EED: variants seen among roughly 807,000 people sequenced by gnomAD.
EED encodes the protein polycomb protein EED.
EED carries 9 observed loss-of-function variants against 61.0 expected under a neutral mutation model. That is an observed-to-expected ratio of 0.15 (90% CI 0.09 to 0.26). The LOEUF is 0.26. EED is among the 10% of genes least tolerant of loss of function. The pLI, the probability that EED is intolerant of heterozygous loss-of-function variation, is 1.00. For synonymous variants in EED, 187 were observed against 174.4 expected, an observed-to-expected ratio of 1.07 and a Z score of -0.57; for missense variants, 315 against 542.3, an observed-to-expected ratio of 0.58 and a Z score of 4.16.
At chr11:86,268,065 T>G (rs1172778321) in intron 8 of EED, 1 of 155,210 alleles carries the variant, frequency 6.4e-6, no homozygotes, top group East Asian at 1.9e-4. Flanking sequence ...TTTCATAGAT[T>G]ATTAATGCTT....
intron 7 of EED, 25 bp downstream of exon 7, chr11:86,264,288 G>A: frequency 7.1e-6 from 11 of 1,556,798 alleles, no homozygotes; most frequent in Non-Finnish European, 9.8e-6. Context: ...GCAGGGCAAT[G>A]ACTTTCAGGT....
chr11:86,258,491 A>G (rs753241729), intron 6 of EED, among the ~76,000 whole-genome samples: 2 of 151,644 alleles, frequency 1.3e-5, no homozygotes, highest in Non-Finnish European at 1.5e-5. Flanking sequence ...ACAACTGTAT[A>G]GACCGTAATG....
intron 4 of EED, among the ~76,000 whole-genome samples, chr11:86,255,564 A>C (rs1945648266): frequency 2.0e-5 from 3 of 152,202 alleles, no homozygotes; most frequent in Admixed American, 6.5e-5. Context: ...TAGGAGCATT[A>C]GAAATCTAGT....
At chr11:86,261,444 A>ATC (rs1322566295) in intron 6 of EED, among the ~76,000 whole-genome samples, 1 of 152,198 alleles carries the variant, frequency 6.6e-6, no homozygotes, top group Non-Finnish European at 1.5e-5. Flanking sequence ...CCCACATAGC[A>ATC]TCTTATGAGT....
intron 10 of EED, 146 bp from the exon 11 acceptor site, chr11:86,277,772 G>A (rs187116164): frequency 1.8e-6 from 1 of 567,390 alleles, no homozygotes; most frequent in Non-Finnish European, 2.7e-6. Context: ...TACGAATCAG[G>A]AGTATAAGAC....
At chr11:86,257,024 G>A (rs1945692894) in intron 5 of EED, among the ~76,000 whole-genome samples, 5 of 151,912 alleles carry the variant, frequency 3.3e-5, no homozygotes, top group Admixed American at 3.3e-4. Flanking sequence ...TCTGCAGGTG[G>A]AGTTTTGAGC....
chr11:86,271,309 T>C (rs1183433499), intron 9 of EED, among the ~76,000 whole-genome samples: 1 of 152,218 alleles, frequency 6.6e-6, no homozygotes, highest in Non-Finnish European at 1.5e-5. Flanking sequence ...TATATTTTTA[T>C]TTTCCATTTT....
At chr11:86,286,971 CAAAA>C in the EED span, among the ~76,000 whole-genome samples, 55 of 68,342 alleles carry the variant, frequency 8.0e-4, no homozygotes, top group East Asian at 0.024. Context: ...GACTCCGTCT[CAAAA>C]AAAAAAAAAA....
chr11:86,274,741 C>T (rs966232229), intron 9 of EED, among the ~76,000 whole-genome samples: 13 of 152,170 alleles, frequency 8.5e-5, no homozygotes, highest in African/African-American at 3.1e-4. Context: ...GGTGGCTTTA[C>T]CAATGAATGG....
At chr11:86,260,898 A>T (rs372295141) in intron 6 of EED, among the ~76,000 whole-genome samples, 2 of 152,268 alleles carry the variant, frequency 1.3e-5, no homozygotes, top group East Asian at 3.9e-4. Flanking sequence ...AAGTAAGAAC[A>T]AGAAATTGAA....
chr11:86,260,609 G>A (rs1459145858), intron 6 of EED, among the ~76,000 whole-genome samples: 6 of 152,070 alleles, frequency 3.9e-5, no homozygotes, highest in South Asian at 2.1e-4. Context: ...ATAAAATTGT[G>A]CATGATATAT....
intron 6 of EED, among the ~76,000 whole-genome samples, chr11:86,260,220 C>A (rs2138175920): frequency 6.6e-6 from 1 of 152,164 alleles, no homozygotes; most frequent in East Asian, 1.9e-4. Context: ...GCTTTACATT[C>A]TTTCTTTTTT....
At chr11:86,245,943 T>G (rs1945381379) in intron 1 of EED, among the ~76,000 whole-genome samples, 1 of 151,610 alleles carries the variant, frequency 6.6e-6, no homozygotes, top group African/African-American at 2.4e-5. Context: ...GGGTGGGGAG[T>G]GACTACCTTT....
At chr11:86,263,018 G>A (rs1212730508) in intron 6 of EED, among the ~76,000 whole-genome samples, 6 of 151,946 alleles carry the variant, frequency 3.9e-5, no homozygotes, top group South Asian at 4.1e-4. Context: ...ATGTTACCCC[G>A]GCTGGTCTTG....
intron 9 of EED, among the ~76,000 whole-genome samples, chr11:86,271,095 AT>A (rs1456757235): frequency 1.3e-5 from 2 of 152,116 alleles, no homozygotes; most frequent in African/African-American, 4.8e-5. Context: ...TTTTAACTGG[AT>A]TTGTATTAAA....
chr11:86,260,911 T>C (rs931788978), intron 6 of EED, among the ~76,000 whole-genome samples: 8 of 151,990 alleles, frequency 5.3e-5, no homozygotes, highest in African/African-American at 1.9e-4. Flanking sequence ...AAATTGAACT[T>C]GAAGCCTTTT....
intron 1 of EED, among the ~76,000 whole-genome samples, chr11:86,249,245 C>T (rs940521012): frequency 1.3e-5 from 2 of 152,062 alleles, no homozygotes; most frequent in South Asian, 2.1e-4. Flanking sequence ...TTGTTGAGTA[C>T]GTACTGCTTG....
downstream of EED, among the ~76,000 whole-genome samples, chr11:86,281,838 T>G (rs78380186): frequency 6.6e-6 from 1 of 152,180 alleles, no homozygotes; most frequent in African/African-American, 2.4e-5. Context: ...ACATCTTTCA[T>G]TTTCTCTTGT....
At chr11:86,248,445 A>C (rs1333459616) in intron 1 of EED, among the ~76,000 whole-genome samples, 1 of 152,242 alleles carries the variant, frequency 6.6e-6, no homozygotes, top group Non-Finnish European at 1.5e-5. Flanking sequence ...AGAGTTTTTA[A>C]AATTTCAGTT....
Sources: gnomAD v4.1 joint callset for allele counts (sites outside exome capture counted in the v4.1 genomes callset) on GRCh38, gnomAD v4.1.1 for gene constraint, MANE v1.5 for transcripts, NCBI Gene and HGNC (gene_info 2026-07-23, HGNC 2026-07-21) for gene names.